CD320: variants seen among roughly 807,000 people sequenced by gnomAD.
CD320 encodes the protein CD320 molecule.
In CD320, 16 loss-of-function variants were observed where a neutral mutation model predicts 22.1. The observed-to-expected ratio is 0.73, with a 90% CI of 0.49 to 1.10. The LOEUF is 1.10. Ranked by LOEUF, CD320 falls within the 50% of genes least tolerant of loss-of-function variation. The pLI is 0.00. For synonymous variants in CD320, 188 were observed against 167.8 expected, an observed-to-expected ratio of 1.12 and a Z score of -0.93; for missense variants, 388 against 376.9, an observed-to-expected ratio of 1.03 and a Z score of -0.24.
At position 8,302,780 on chromosome 19, in the gene CD320, C is replaced by T. The variant is rs1434192780; in HGVS notation, c.703G>A (p.Ala235Thr). Residue 235 changes from alanine (A) to threonine (T), a missense_variant, in exon 4 of 5, where the codon GCT becomes ACT. Transcript: ENST00000301458. ...SPTAYGVIAA[A>T]AVLSASLVTA... ...TGGGAGGGTAAGTCCCTCTTACCAG[C>T]AGCTGCAATAACCCCATAGGCAGTT... 6.2e-7 allele frequency: 1 copy of T among 1,614,120 alleles called. No individual in the cohort carries two copies. The highest frequency in any genetic ancestry group is 1.7e-5 in the Admixed American group (1 of 60,014).
chr19:8,303,769 TCCACGCCCCCAGCCTGG>T (rs1970044547), intron 3 of CD320, 69 bp downstream of exon 3: 2 of 891,038 alleles, frequency 2.2e-6, no homozygotes, highest in East Asian at 2.6e-5. Context: ...AAGGCATGTG[TCCACGCCCCCAGCCTGG>T]CCACGCCCCA....
In CD320 at chr19:8,302,194, G is replaced by T. The variant is rs537002852; in HGVS notation, c.*269C>A. The T allele has an allele frequency of 1.2e-5, 8 of 647,330 alleles. No homozygotes were observed. The Admixed American group carries it at 1.7e-4, about 13-fold the overall frequency. 40.1% of individuals were successfully genotyped at this position (647,330 alleles called of 1,614,324 possible). ...GCAGGAGTGTCTTAAGCACAGGGCCGTTCTACCCCCTGGGAGCTGCCTGGG... is the reference window on the plus strand; with the variant it reads ...GCAGGAGTGTCTTAAGCACAGGGCCTTTCTACCCCCTGGGAGCTGCCTGGG... On this transcript the variant is annotated 3_prime_UTR_variant, in exon 5 of 5. Coordinates refer to ENST00000301458, the MANE Select transcript of CD320 (RefSeq NM_016579.4).
chr19:8,307,744 CG>C (rs1325265050), intron 1 of CD320, among the ~76,000 whole-genome samples: 2 of 151,956 alleles, frequency 1.3e-5, no homozygotes, highest in Non-Finnish European at 2.9e-5. Flanking sequence ...GGCCTGGGCG[CG>C]AGGGTTTGGA....
Position 8,302,486 on chromosome 19 carries a change from C to G in CD320, c.826G>C (p.Glu276Gln), listed in dbSNP as rs746374552. The G allele has an allele frequency of 1.9e-6, 3 of 1,614,054 alleles. No individual in the cohort carries two copies. Among genetic ancestry groups the G allele is most frequent in the South Asian group, 1.1e-5 (1 of 91,092 alleles). The change falls in exon 5 of 5, where the codon GAA becomes CAA. Residue 276 changes from glutamate (E) to glutamine (Q), a missense_variant. Coordinates refer to ENST00000301458, the MANE Select transcript of CD320 (RefSeq NM_016579.4). ...VAMKESLLLS[E>Q]QKTSLP ...CCTCAGGGCAGCGAGGTCTTCTGTTCTGACAGCAGCAGGGACTCCTTCATG... is the reference window on the plus strand; with the variant it reads ...CCTCAGGGCAGCGAGGTCTTCTGTTGTGACAGCAGCAGGGACTCCTTCATG...
intron 2 of CD320, 117 bp downstream of exon 2, chr19:8,304,914 C>A: frequency 8.0e-7 from 1 of 1,255,810 alleles, no homozygotes; most frequent in East Asian, 2.4e-5. Context: ...ACCCAAGTCG[C>A]ACCCATCCCT....
At chr19:8,303,072 C>G (rs967442273) in intron 3 of CD320, 92 bp from the exon 4 acceptor site, 43 of 966,456 alleles carry the variant, frequency 4.4e-5, no homozygotes, top group Admixed American at 4.1e-4. Context: ...GGTTTATCCT[C>G]AACCAACCAG....
chr19:8,305,423 A>T lies in CD320; in HGVS notation c.143-267T>A, dbSNP rs1206256372. On this transcript the variant is annotated intron_variant, in intron 1 of 4. Transcript: ENST00000301458. ...AAGAGGAGGCCATACAGCTGGTGGCAGAGGCTGGGTGCAGTGGCTCACGCC... is the reference window on the plus strand; with the variant it reads ...AAGAGGAGGCCATACAGCTGGTGGCTGAGGCTGGGTGCAGTGGCTCACGCC... The T allele has an allele frequency of 1.5e-5, 6 of 413,072 alleles. No homozygotes were observed. In the East Asian group the frequency reaches 2.6e-4, roughly 18 times the overall value. 25.6% of individuals were successfully genotyped at this position (413,072 alleles called of 1,614,324 possible).
Position 8,302,833 on chromosome 19 carries a change from G to A in CD320, c.650C>T (p.Ser217Phe). ...GCTTCCAGACTGGTCTCCGGCAGAG[G>A]AGGATGTGGCATTCCCGACAGAGGG... ...SVPSVGNATS[S>F]SAGDQSGSPT... Residue 217 changes from serine (S) to phenylalanine (F), a missense_variant, in exon 4 of 5, where the codon TCC becomes TTC. Ser to Phe is a radical substitution (Grantham distance 155, BLOSUM62 -2). Coordinates refer to ENST00000301458, the MANE Select transcript of CD320 (RefSeq NM_016579.4). 2 of 1,614,138 alleles carry A rather than the reference G, an allele frequency of 1.2e-6. No homozygotes were observed. Among genetic ancestry groups the A allele is most frequent in the African/African-American group, 1.3e-5 (1 of 75,040 alleles).
At chr19:8,304,522 T>C (rs916458205) in intron 2 of CD320, among the ~76,000 whole-genome samples, 3 of 151,992 alleles carry the variant, frequency 2.0e-5, no homozygotes, top group Admixed American at 2.0e-4. Context: ...TTTGTATTTT[T>C]AGTAGAGATG....
Position 8,302,306 on chromosome 19 carries a change from A to T in CD320, c.*157T>A. ...GAGTGTCCAGGGACCCTCAATCTCC[A>T]GGGCCACTTCTGCAGGAGCTCGGGT... On this transcript the variant is annotated 3_prime_UTR_variant, in exon 5 of 5. Coordinates refer to ENST00000301458, the MANE Select transcript of CD320 (RefSeq NM_016579.4). 1 of 913,722 alleles carries T rather than the reference A, an allele frequency of 1.1e-6. No individual in the cohort carries two copies. Among genetic ancestry groups the T allele is most frequent in the Non-Finnish European group, 1.8e-6 (1 of 561,386 alleles). 56.6% of individuals were successfully genotyped at this position (913,722 alleles called of 1,614,324 possible).
Position 8,302,418 on chromosome 19 carries a change from C to T in CD320, c.*45G>A, listed in dbSNP as rs578197871. ...TCCGCATCACTGCTCTCCTCCTGTC[C>T]GGCTACGCCCAGGGCTGAGTGACGG... On this transcript the variant is annotated 3_prime_UTR_variant, in exon 5 of 5. Coordinates refer to ENST00000301458, the MANE Select transcript of CD320 (RefSeq NM_016579.4). 1.3e-5 allele frequency: 21 copies of T among 1,613,166 alleles called. No homozygotes were observed. Among genetic ancestry groups the T allele is most frequent in the South Asian group, 5.5e-5 (5 of 91,056 alleles).
chr19:8,308,083 T>C (rs1970120933), intron 1 of CD320, 66 bp downstream of exon 1: 2 of 1,397,514 alleles, frequency 1.4e-6, no homozygotes, highest in Non-Finnish European at 1.9e-6. Flanking sequence ...CTAGGCGTTG[T>C]CGGTGCGCGG....
In CD320 at chr19:8,302,267, C is replaced by T. The variant is rs373905735; in HGVS notation, c.*196G>A. 1.4e-4 allele frequency: 107 copies of T among 741,880 alleles called. No homozygotes were observed. Among genetic ancestry groups the T allele is most frequent in the African/African-American group, 1.1e-3 (62 of 58,074 alleles). 46.0% of individuals were successfully genotyped at this position (741,880 alleles called of 1,614,324 possible). The stretch of plus-strand genomic sequence containing the variant: ...TGGCAGGTTCCCCATCCTAGCTCCC[C>T]GGATCTCCATAGGGAGTGTCCAGGG... On this transcript the variant is annotated 3_prime_UTR_variant, in exon 5 of 5. Coordinates refer to ENST00000301458, the MANE Select transcript of CD320 (RefSeq NM_016579.4).
At chr19:8,304,229 G>T in intron 2 of CD320, 141 bp from the exon 3 acceptor site, 1 of 614,220 alleles carries the variant, frequency 1.6e-6, no homozygotes, top group Non-Finnish European at 3.0e-6. Context: ...TCCGCCCCCT[G>T]CAACTGTTAA....
chr19:8,304,964 T>G, intron 2 of CD320, 67 bp downstream of exon 2: 1 of 1,577,304 alleles, frequency 6.3e-7, no homozygotes, highest in Non-Finnish European at 8.6e-7. Context: ...TCCGCGTGCC[T>G]GGCCCCTGAC....
rs250510 is a variant in CD320 at position 8,302,149 on chromosome 19, T to C, written c.*314A>G. On this transcript the variant is annotated 3_prime_UTR_variant, in exon 5 of 5. Transcript: ENST00000301458. Reference sequence around the variant, plus strand: ...GCGGAGGATGTGAAGCAACTTTAATTGCCACCCTCAGACGGGGCAGCAGGA... The same window carrying C: ...GCGGAGGATGTGAAGCAACTTTAATCGCCACCCTCAGACGGGGCAGCAGGA... 0.97 allele frequency: 503,810 copies of C among 519,208 alleles called. 244,806 individuals carry two copies. The highest frequency in any genetic ancestry group is 0.99 in the Non-Finnish European group (266,215 of 268,198). The allele number at this position is 519,208 out of a possible 1,614,324, so 32.2% of individuals were successfully genotyped here.
In CD320 at chr19:8,305,098, G is replaced by A. The variant is rs769695021; in HGVS notation, c.201C>T (p.Cys67=). 5.0e-6 allele frequency: 8 copies of A among 1,612,886 alleles called. No individual in the cohort carries two copies. The East Asian group carries it at 1.6e-4, about 31-fold the overall frequency. ...TKFQCRTSGL[C]VPLTWRCDRD... is the part of the protein sequence containing the mutation. The stretch of plus-strand genomic sequence containing the variant: ...TGTCGCAGCGCCAGGTGAGGGGCAC[G>A]CATAAGCCACTGGTGCGGCACTGGA... Residue 67 remains cysteine, a synonymous_variant, in exon 2 of 5, where the codon TGC becomes TGT. Coordinates refer to ENST00000301458, the MANE Select transcript of CD320 (RefSeq NM_016579.4).
In CD320 at chr19:8,304,008, A is replaced by G; in HGVS notation, c.349T>C (p.Ser117Pro). ...CGCAGTTTCTTGTCAGTTCCCCCAGAGCAGTCACTGACGCCGGTGCAGGGG... is the reference window on the plus strand; with the variant it reads ...CGCAGTTTCTTGTCAGTTCCCCCAGGGCAGTCACTGACGCCGGTGCAGGGG... ...PCPCTGVSDC[S>P]GGTDKKLRNC... Residue 117 changes from serine to proline, a missense_variant, in exon 3 of 5, where the codon TCT becomes CCT. Physicochemically the swap from Ser to Pro is moderately conservative, Grantham distance 74 (BLOSUM62 -1). Coordinates refer to ENST00000301458, the MANE Select transcript of CD320 (RefSeq NM_016579.4). 1 of 1,569,368 alleles carries G rather than the reference A, an allele frequency of 6.4e-7. No homozygotes were observed. The highest frequency in any genetic ancestry group is 8.6e-7 in the Non-Finnish European group (1 of 1,157,110).
At chr19:8,306,140 C>T (rs1970086024) in intron 1 of CD320, among the ~76,000 whole-genome samples, 1 of 152,178 alleles carries the variant, frequency 6.6e-6, no homozygotes, top group South Asian at 2.1e-4. Flanking sequence ...CCTCCCTACA[C>T]CCTGTGTTTT....
Sources: gnomAD v4.1 joint callset for allele counts (sites outside exome capture counted in the v4.1 genomes callset) on GRCh38, gnomAD v4.1.1 for gene constraint, MANE v1.5 for transcripts, NCBI Gene and HGNC (gene_info 2026-07-23, HGNC 2026-07-21) for gene names.